Variants in ZC3HAV1 observed in about 807,000 individuals in gnomAD.
ZC3HAV1 encodes zinc finger CCCH-type containing, antiviral 1.
A neutral mutation model predicts 86.6 loss-of-function variants in ZC3HAV1; 41 were observed. The observed-to-expected ratio is 0.47, with a 90% CI of 0.37 to 0.61. The LOEUF is 0.61. Ranked by LOEUF, ZC3HAV1 falls within the 20% of genes least tolerant of loss-of-function variation. The probability of loss-of-function intolerance (pLI) is 0.00; values close to 1 mark genes in which losing one functional copy is unlikely to be tolerated. For synonymous variants in ZC3HAV1, 421 were observed against 432.1 expected, an observed-to-expected ratio of 0.97 and a Z score of 0.32; for missense variants, 964 against 1,141.1, an observed-to-expected ratio of 0.84 and a Z score of 2.24.
intron 9 of ZC3HAV1, among the ~76,000 whole-genome samples, chr7:139,059,725 C>A (rs181317335): frequency 6.6e-6 from 1 of 152,066 alleles, no homozygotes; most frequent in African/African-American, 2.4e-5. Flanking sequence ...CAGTTAGTGG[C>A]AGAAGATAAG....
chr7:139,101,492 ACC>A (rs1817767838), intron 1 of ZC3HAV1, among the ~76,000 whole-genome samples: 3 of 39,038 alleles, frequency 7.7e-5, no homozygotes, highest in Non-Finnish European at 1.5e-4. Flanking sequence ...CAGCCCGGCC[ACC>A]ACCCCGTCTG....
At chr7:139,094,244 T>C (rs938821067) in intron 1 of ZC3HAV1, among the ~76,000 whole-genome samples, 33 of 152,088 alleles carry the variant, frequency 2.2e-4, no homozygotes, top group African/African-American at 7.5e-4. Context: ...AGAATTTGCA[T>C]GTCTAACAAT....
In ZC3HAV1 at chr7:139,109,294, A is replaced by AT; in HGVS notation, c.37dup (p.Ile13AsnfsTer22). 6.2e-7 allele frequency: 1 copy of AT among 1,609,842 alleles called. No individual in the cohort carries two copies. Among genetic ancestry groups the AT allele is most frequent in the Non-Finnish European group, 8.5e-7 (1 of 1,178,754 alleles). On this transcript the variant is annotated frameshift_variant, in exon 1 of 13. Transcript: ENST00000242351. LOFTEE classifies it high-confidence loss of function. The stretch of plus-strand genomic sequence containing the variant: ...CATGCGGCCCCCGTGGGCGCACAGG[A>AT]TTTTGGTGATGAAGCAGCACACCTC...
At chr7:139,097,428 A>ATATATTTT in intron 1 of ZC3HAV1, among the ~76,000 whole-genome samples, 2 of 48,158 alleles carry the variant, frequency 4.2e-5, no homozygotes, top group Admixed American at 3.0e-4. Flanking sequence ...ATATATATAT[A>ATATATTTT]TTTTTTTTTT....
At chr7:139,055,173 G>A in intron 10 of ZC3HAV1, 32 bp downstream of exon 10, 1 of 1,570,048 alleles carries the variant, frequency 6.4e-7, no homozygotes, top group Non-Finnish European at 8.7e-7. Context: ...ACTTTTAACA[G>A]ACTCATCCAC....
intron 1 of ZC3HAV1, among the ~76,000 whole-genome samples, chr7:139,091,560 CT>C (rs1357716441): frequency 1.3e-5 from 2 of 152,182 alleles, no homozygotes; most frequent in African/African-American, 2.4e-5. Flanking sequence ...CTGTGAGCCT[CT>C]TTATCTCACA....
chr7:139,043,945 A>T lies in ZC3HAV1; in HGVS notation c.*3649T>A, dbSNP rs575455635. Reference sequence around the variant, plus strand: ...TGGTTCTCACTGTGGTCAGTGGGTTATTGGTGGTTTCATAATAACTGGGGA... The same window carrying T: ...TGGTTCTCACTGTGGTCAGTGGGTTTTTGGTGGTTTCATAATAACTGGGGA... On this transcript the variant is annotated 3_prime_UTR_variant, in exon 13 of 13. Transcript: ENST00000242351. 16 of 152,174 alleles carry T rather than the reference A, an allele frequency of 1.1e-4. No homozygotes were observed. The highest frequency in any genetic ancestry group is 1.5e-4 in the Non-Finnish European group (10 of 68,038). 9.4% of individuals were successfully genotyped at this position (152,174 alleles called of 1,614,324 possible).
At chr7:139,077,400 C>T (rs1057084788) in intron 5 of ZC3HAV1, among the ~76,000 whole-genome samples, 8 of 152,092 alleles carry the variant, frequency 5.3e-5, no homozygotes, top group South Asian at 2.1e-4. Context: ...TGTGCCACCA[C>T]GCCCAGCTAA....
At chr7:139,099,242 T>G (rs777322571) in intron 1 of ZC3HAV1, among the ~76,000 whole-genome samples, 4 of 151,894 alleles carry the variant, frequency 2.6e-5, no homozygotes, top group Admixed American at 6.6e-5. Flanking sequence ...GGTGCACCCT[T>G]TTGTGTCACG....
At chr7:139,053,058 C>T (rs1045519924) in intron 12 of ZC3HAV1, among the ~76,000 whole-genome samples, 2 of 152,126 alleles carry the variant, frequency 1.3e-5, no homozygotes, top group African/African-American at 2.4e-5. Flanking sequence ...CCTCTTCTCC[C>T]GCTCTTTAAT....
At position 139,108,679 on chromosome 7, in the gene ZC3HAV1, C is replaced by CT. The variant is rs1818009217; in HGVS notation, c.308+344dup. On this transcript the variant is annotated intron_variant, in intron 1 of 12. Coordinates refer to ENST00000242351, the MANE Select transcript of ZC3HAV1 (RefSeq NM_020119.4). The surrounding 1 kb of genome is among the most constrained non-coding windows in gnomAD (Gnocchi z 4.2). ...CTCTTTCCTTCCTTCCCAAACCTGC[C>CT]TACCGCTTCTCTAGGCCCTGGCTGG... Among the ~76,000 whole-genome samples the CT allele has an allele frequency of 6.6e-6, 1 of 152,178 alleles. No individual in the cohort carries two copies. Among genetic ancestry groups the CT allele is most frequent in the Admixed American group, 6.5e-5 (1 of 15,282 alleles).
At chr7:139,084,581 C>T (rs909405463) in intron 2 of ZC3HAV1, among the ~76,000 whole-genome samples, 1 of 152,166 alleles carries the variant, frequency 6.6e-6, no homozygotes, top group Non-Finnish European at 1.5e-5. Flanking sequence ...GCTGAGGCCA[C>T]GCCATATGAT....
At chr7:139,057,417 C>T (rs981001445) in intron 9 of ZC3HAV1, among the ~76,000 whole-genome samples, 1 of 151,836 alleles carries the variant, frequency 6.6e-6, no homozygotes, top group Non-Finnish European at 1.5e-5. Context: ...ACTACAAATA[C>T]GTTACAAAGA....
intron 12 of ZC3HAV1, among the ~76,000 whole-genome samples, chr7:139,050,492 C>T (rs557781421): frequency 1.3e-5 from 2 of 152,048 alleles, no homozygotes; most frequent in African/African-American, 2.4e-5. Flanking sequence ...CTCAGCCTCT[C>T]GAGTAGCTAG....
chr7:139,074,897 C>A (rs1026597920), intron 6 of ZC3HAV1, among the ~76,000 whole-genome samples: 3 of 151,974 alleles, frequency 2.0e-5, no homozygotes, highest in African/African-American at 7.3e-5. Flanking sequence ...AACAGAAATT[C>A]TTTGGGATCC....
Position 139,079,614 on chromosome 7 carries a change from T to C in ZC3HAV1, c.1327A>G (p.Arg443Gly). 6.2e-7 allele frequency: 1 copy of C among 1,614,194 alleles called. No homozygotes were observed. Among genetic ancestry groups the C allele is most frequent in the South Asian group, 1.1e-5 (1 of 91,084 alleles). ...CTAGTGCTTTTGTAATTTAAGGATC[T>C]GGTAGAAGTTATATCTGTGGCCACT... ...DGVATDITST[R>G]SLNYKSTSSG... The change falls in exon 4 of 13, where the codon AGA (arginine) becomes GGA (glycine). Residue 443 changes from arginine to glycine, a missense_variant. Coordinates refer to ENST00000242351, the MANE Select transcript of ZC3HAV1 (RefSeq NM_020119.4).
At chr7:139,100,248 A>G (rs1817710453) in intron 1 of ZC3HAV1, among the ~76,000 whole-genome samples, 1 of 151,916 alleles carries the variant, frequency 6.6e-6, no homozygotes. Flanking sequence ...AACCACAATG[A>G]GGGCTGGGCG....
At chr7:139,072,250 A>T (rs1816795714) in intron 7 of ZC3HAV1, among the ~76,000 whole-genome samples, 1 of 151,818 alleles carries the variant, frequency 6.6e-6, no homozygotes, top group Non-Finnish European at 1.5e-5. Context: ...CAGTGGTGCA[A>T]TCTCGGCTCA....
In ZC3HAV1 at chr7:139,070,141, G is replaced by T. The variant is rs1816726166; in HGVS notation, c.1872+3715C>A. ...CTAGAGCCAATTCAATTTATATAAT[G>T]ATGGGTCTTATTAGTATGAGACAGT... On this transcript the variant is annotated intron_variant, in intron 7 of 12. Transcript: ENST00000242351. 2.0e-5 allele frequency among the ~76,000 whole-genome samples: 3 copies of T among 151,482 alleles called. 1 individual carries two copies. Among genetic ancestry groups the T allele is most frequent in the Middle Eastern group, 3.4e-3 (1 of 294 alleles).
Sources: gnomAD v4.1 joint callset for allele counts (sites outside exome capture counted in the v4.1 genomes callset) on GRCh38, gnomAD v4.1.1 for gene constraint, Gnocchi (gnomAD v3.1) non-coding constraint, MANE v1.5 for transcripts, NCBI Gene and HGNC (gene_info 2026-07-23, HGNC 2026-07-21) for gene names.